Variants in MYOM2 observed in about 807,000 individuals in gnomAD.
MYOM2 encodes the protein myomesin 2, also known as myomesin-2.
A neutral mutation model predicts 187.6 loss-of-function variants in MYOM2; 254 were observed. That is an observed-to-expected ratio of 1.35 (90% CI 1.22 to 1.50). The LOEUF is 1.50. Ranked by LOEUF, MYOM2 falls within the 40% of genes most tolerant of loss-of-function variation. The pLI is 0.00. For missense variants in MYOM2, 2,796 were observed against 1,924.0 expected (o/e 1.45, Z -8.48); for synonymous variants, 981 against 753.8 (o/e 1.30, Z -4.94).
intron 16 of MYOM2, 103 bp downstream of exon 16, chr8:2,092,623 C>A (rs1563049358): frequency 8.0e-7 from 1 of 1,253,756 alleles, no homozygotes; most frequent in Non-Finnish European, 1.1e-6. Flanking sequence ...CGCAAGGCTT[C>A]TGCGTAAATG....
At chr8:2,141,069 T>C (rs1455284787) in intron 33 of MYOM2, 72 bp from the exon 34 acceptor site, 3 of 1,458,234 alleles carry the variant, frequency 2.1e-6, no homozygotes, top group Non-Finnish European at 2.8e-6. Flanking sequence ...GATTCACTGG[T>C]ATAATATTTG....
At chr8:2,099,106 C>T (rs562350323) in intron 19 of MYOM2, 123 bp downstream of exon 19, 19 of 1,309,586 alleles carry the variant, frequency 1.5e-5, no homozygotes, top group Middle Eastern at 2.7e-4. Context: ...ACACCCGCAG[C>T]CGCAGAGCCA....
intron 5 of MYOM2, among the ~76,000 whole-genome samples, chr8:2,058,812 A>G (rs1413405541): frequency 2.6e-5 from 4 of 152,220 alleles, no homozygotes; most frequent in African/African-American, 7.2e-5. Flanking sequence ...TCCCTGAGAC[A>G]CTAGCTACAC....
chr8:2,123,372 G>C lies in MYOM2; in HGVS notation c.3567+7G>C. 1 of 1,564,214 alleles carries C rather than the reference G, an allele frequency of 6.4e-7. No individual in the cohort carries two copies. The highest frequency in any genetic ancestry group is 2.3e-5 in the East Asian group (1 of 43,376). ...TGAGCTCCTCATCCCAAAGGTATCA[G>C]GCATTGAGTAACACAAGAAAGCAAA... On this transcript the variant is annotated splice_region_variant and intron_variant, in intron 29 of 36. Transcript: ENST00000262113.
chr8:2,077,284 T>G (rs2129336318), intron 11 of MYOM2, among the ~76,000 whole-genome samples: 1 of 151,894 alleles, frequency 6.6e-6, no homozygotes, highest in African/African-American at 2.4e-5. Context: ...GACTCCAGCC[T>G]GGCAACACAG....
chr8:2,046,781 G>A (rs570420997), intron 1 of MYOM2, among the ~76,000 whole-genome samples: 2 of 151,016 alleles, frequency 1.3e-5, no homozygotes, highest in East Asian at 3.9e-4. Flanking sequence ...GTGTGTGTAG[G>A]GGGTATTTAA....
At chr8:2,121,128 A>G (rs960670045) in intron 28 of MYOM2, among the ~76,000 whole-genome samples, 5 of 152,140 alleles carry the variant, frequency 3.3e-5, no homozygotes, top group African/African-American at 1.2e-4. Context: ...TCATGCTGCA[A>G]AAACAACTTT....
At chr8:2,046,711 C>T (rs531388908) in intron 1 of MYOM2, among the ~76,000 whole-genome samples, 10 of 151,212 alleles carry the variant, frequency 6.6e-5, no homozygotes, top group Admixed American at 2.6e-4. Flanking sequence ...AACTACCCTG[C>T]GAGGAAAAGC....
At chr8:2,135,352 C>A (rs571005408) in intron 32 of MYOM2, among the ~76,000 whole-genome samples, 6 of 152,116 alleles carry the variant, frequency 3.9e-5, no homozygotes, top group Non-Finnish European at 7.4e-5. Context: ...TCATTTGCAA[C>A]ATAGTTATGT....
chr8:2,057,509 G>C lies in MYOM2; in HGVS notation c.402+23G>C, dbSNP rs750526611. On this transcript the variant is annotated intron_variant, in intron 4 of 36. Coordinates refer to ENST00000262113, the MANE Select transcript of MYOM2 (RefSeq NM_003970.4). ...ATGGTAGGAGGGTCTCAGGGTGGCTGGGTGTCTGGGAAGCGTGGACTAGAT... is the reference window on the plus strand; with the variant it reads ...ATGGTAGGAGGGTCTCAGGGTGGCTCGGTGTCTGGGAAGCGTGGACTAGAT... 6 of 1,613,722 alleles carry C rather than the reference G, an allele frequency of 3.7e-6. No individual in the cohort carries two copies. In the African/African-American group the frequency reaches 5.3e-5, roughly 14 times the overall value.
intron 2 of MYOM2, among the ~76,000 whole-genome samples, chr8:2,051,136 A>T (rs1818471428): frequency 6.6e-6 from 1 of 151,764 alleles, no homozygotes; most frequent in South Asian, 2.1e-4. Context: ...GAGCTCGTTG[A>T]TTTTACTGCT....
rs1459586243 is a variant in MYOM2 at position 2,143,008 on chromosome 8, G to A, written c.4025-393G>A. 2.0e-5 allele frequency among the ~76,000 whole-genome samples: 3 copies of A among 151,866 alleles called. 1 individual carries two copies. The highest frequency in any genetic ancestry group is 2.1e-4 in the South Asian group (1 of 4,814). On this transcript the variant is annotated intron_variant, in intron 35 of 36. Coordinates refer to ENST00000262113, the MANE Select transcript of MYOM2 (RefSeq NM_003970.4). ...TGACCTCAGATGATCTGCCCGCCTT[G>A]GCCTCCCAAAGTGTTGGGATTACAG...
chr8:2,109,248 T>A (rs1306922016), intron 24 of MYOM2, 147 bp from the exon 25 acceptor site: 1 of 964,924 alleles, frequency 1.0e-6, no homozygotes, highest in Non-Finnish European at 1.5e-6. Context: ...TTTTATTTTA[T>A]ATTTTTAGCT....
At chr8:2,109,977 G>C (rs1038796705) in intron 25 of MYOM2, among the ~76,000 whole-genome samples, 5 of 152,186 alleles carry the variant, frequency 3.3e-5, no homozygotes, top group African/African-American at 1.2e-4. Flanking sequence ...TTCTCTGCCT[G>C]TTTGGGCAGC....
chr8:2,085,543 CCCCA>C (rs1819821571), intron 14 of MYOM2, among the ~76,000 whole-genome samples, 153 bp downstream of exon 14: 11 of 35,776 alleles, frequency 3.1e-4, no homozygotes, highest in African/African-American at 1.6e-3. Context: ...CTCTGCGTGG[CCCCA>C]CTGTCATGAT....
chr8:2,078,321 G>A (rs1405570622), intron 11 of MYOM2, among the ~76,000 whole-genome samples: 1 of 152,166 alleles, frequency 6.6e-6, no homozygotes, highest in Non-Finnish European at 1.5e-5. Context: ...GGCTGAGCCT[G>A]TTTCCCCAGC....
intron 15 of MYOM2, among the ~76,000 whole-genome samples, chr8:2,091,016 CTTTTTTTTTT>C (rs35873643): frequency 4.6e-5 from 4 of 86,512 alleles, no homozygotes; most frequent in African/African-American, 1.8e-4. Flanking sequence ...AATGATAGTT[CTTTTTTTTTT>C]TTTTTTTTTT....
At chr8:2,058,830 TAAG>T (rs1818758214) in intron 5 of MYOM2, among the ~76,000 whole-genome samples, 1 of 152,150 alleles carries the variant, frequency 6.6e-6, no homozygotes, top group Admixed American at 6.5e-5. Context: ...CACTGCAGCT[TAAG>T]TAGGCGGGTC....
intron 6 of MYOM2, among the ~76,000 whole-genome samples, chr8:2,059,742 CTT>C (rs60345808): frequency 1.4e-4 from 19 of 131,100 alleles, no homozygotes; most frequent in Non-Finnish European, 1.6e-4. Context: ...GACACACACA[CTT>C]TTTTTTTTTT....
Sources: gnomAD v4.1 joint callset for allele counts (sites outside exome capture counted in the v4.1 genomes callset) on GRCh38, gnomAD v4.1.1 for gene constraint, MANE v1.5 for transcripts, NCBI Gene and HGNC (gene_info 2026-07-23, HGNC 2026-07-21) for gene names.